Variants in INSR observed in about 807,000 individuals in gnomAD.
INSR encodes insulin receptor.
In INSR, 67 loss-of-function variants were observed where a neutral mutation model predicts 142.6. That is an observed-to-expected ratio of 0.47 (90% CI 0.39 to 0.58). INSR has a LOEUF of 0.58. Ranked by LOEUF, INSR falls within the 20% of genes least tolerant of loss-of-function variation. The probability of loss-of-function intolerance (pLI) is 0.00; values close to 1 mark genes in which losing one functional copy is unlikely to be tolerated. For missense variants in INSR, 1,248 were observed against 1,833.2 expected (o/e 0.68, Z 5.83); for synonymous variants, 756 against 743.1 (o/e 1.02, Z -0.28).
chr19:7,140,008 A>C (rs140622481), intron 13 of INSR, among the ~76,000 whole-genome samples: 2,796 of 152,060 alleles, frequency 0.018, 48 homozygotes, highest in African/African-American at 0.044. Context: ...CTGTATTTTT[A>C]GCAGAGACGG....
At chr19:7,248,466 A>G (rs1600089257) in intron 2 of INSR, among the ~76,000 whole-genome samples, 1 of 131,004 alleles carries the variant, frequency 7.6e-6, no homozygotes, top group South Asian at 3.0e-4. Context: ...AGCCTGGGCG[A>G]CAGAGGGAGA....
At chr19:7,143,914 G>A (rs1329228143) in intron 11 of INSR, among the ~76,000 whole-genome samples, 1 of 152,012 alleles carries the variant, frequency 6.6e-6, no homozygotes, top group East Asian at 1.9e-4. Context: ...AATTAGCCGA[G>A]CCTGATGGTG....
At chr19:7,257,488 T>C (rs1390011527) in intron 2 of INSR, among the ~76,000 whole-genome samples, 1 of 148,642 alleles carries the variant, frequency 6.7e-6, no homozygotes, top group Non-Finnish European at 1.5e-5. Context: ...GGCCTTGCCT[T>C]GTACATATAC....
intron 6 of INSR, 148 bp downstream of exon 6, chr19:7,170,389 A>G: frequency 4.5e-6 from 3 of 663,536 alleles, no homozygotes; most frequent in Admixed American, 4.7e-5. Context: ...ATATATTACA[A>G]TGTAATCATA....
At chr19:7,124,820 A>G (rs987990486) in intron 17 of INSR, among the ~76,000 whole-genome samples, 1 of 150,342 alleles carries the variant, frequency 6.7e-6, no homozygotes, top group Non-Finnish European at 1.5e-5. Context: ...GAAAGGCAGG[A>G]AGAGTTGGTG....
chr19:7,244,532 C>CAAAAAAAAAAA (rs367586146), intron 2 of INSR, among the ~76,000 whole-genome samples: 172 of 145,064 alleles, frequency 1.2e-3, no homozygotes, highest in African/African-American at 3.6e-3. Context: ...GACTCTGTCT[C>CAAAAAAAAAAA]AAAAAGAAAA....
rs1021692313 is a variant in INSR, at chr19:7,141,618, C to T, written c.2682+59G>A. On this transcript the variant is annotated intron_variant, in intron 13 of 21. Transcript: ENST00000302850. ...CAGCAGAGGAAGGAGGTACCAAGTGCAACTCTGAAGGGGCATGCTGAAGTG... is the reference window on the plus strand; with the variant it reads ...CAGCAGAGGAAGGAGGTACCAAGTGTAACTCTGAAGGGGCATGCTGAAGTG... 6 of 1,608,722 alleles carry T rather than the reference C, an allele frequency of 3.7e-6. No homozygotes were observed. The Admixed American group carries it at 8.5e-5, about 23-fold the overall frequency.
chr19:7,199,560 C>T (rs1164316597), intron 2 of INSR, among the ~76,000 whole-genome samples: 5 of 78,684 alleles, frequency 6.4e-5, no homozygotes, highest in African/African-American at 1.6e-4. Flanking sequence ...ACTGCGACAG[C>T]TTTTTTTTTT....
intron 19 of INSR, among the ~76,000 whole-genome samples, chr19:7,121,805 T>C (rs1218167093): frequency 6.6e-6 from 1 of 152,192 alleles, no homozygotes; most frequent in Admixed American, 6.5e-5. Context: ...AGTGAGTTTA[T>C]CAATACATGC....
intron 2 of INSR, among the ~76,000 whole-genome samples, chr19:7,185,903 A>G (rs918340930): frequency 9.6e-5 from 10 of 104,448 alleles, no homozygotes; most frequent in African/African-American, 2.5e-4. Flanking sequence ...GGAAGGAAGG[A>G]AAAAAAAAAG....
chr19:7,237,595 C>T (rs572735193), intron 2 of INSR, among the ~76,000 whole-genome samples: 4 of 151,996 alleles, frequency 2.6e-5, no homozygotes, highest in African/African-American at 9.7e-5. Context: ...GCGGGTGGAT[C>T]ATGAGGTCAG....
chr19:7,263,826 C>T (rs1977139186), intron 2 of INSR, among the ~76,000 whole-genome samples: 1 of 152,032 alleles, frequency 6.6e-6, no homozygotes, highest in South Asian at 2.1e-4. Flanking sequence ...AAATTTGAGA[C>T]CAGCCTGACC....
intron 9 of INSR, among the ~76,000 whole-genome samples, chr19:7,153,349 G>A (rs72996163): frequency 0.013 from 43 of 3,226 alleles, 1 homozygote; most frequent in Middle Eastern, 0.17. Flanking sequence ...ACACACCACA[G>A]ACCACACACC....
At chr19:7,243,596 C>T (rs1454487823) in intron 2 of INSR, among the ~76,000 whole-genome samples, 2 of 152,082 alleles carry the variant, frequency 1.3e-5, no homozygotes, top group Admixed American at 6.6e-5. Flanking sequence ...AAAGTTATGG[C>T]ACCATAAAAT....
chr19:7,211,850 C>T (rs1214299566), intron 2 of INSR, among the ~76,000 whole-genome samples: 1 of 147,984 alleles, frequency 6.8e-6, no homozygotes, highest in Non-Finnish European at 1.5e-5. Flanking sequence ...GAGGGAATAT[C>T]GGTTTGTCTG....
intron 17 of INSR, 95 bp from the exon 18 acceptor site, chr19:7,123,084 C>A: frequency 2.2e-6 from 2 of 919,284 alleles, no homozygotes; most frequent in Non-Finnish European, 3.5e-6. Flanking sequence ...ACACACAGCA[C>A]CCTGTGGCCT....
intron 2 of INSR, among the ~76,000 whole-genome samples, chr19:7,223,458 C>T (rs1975684257): frequency 6.6e-6 from 1 of 152,128 alleles, no homozygotes; most frequent in Admixed American, 6.6e-5. Context: ...TACCTGGGCA[C>T]ACTGTGATGG....
chr19:7,288,632 C>T (rs1204186124), intron 1 of INSR, among the ~76,000 whole-genome samples: 1 of 142,458 alleles, frequency 7.0e-6, no homozygotes, highest in African/African-American at 2.7e-5. Flanking sequence ...GAGCAAAATC[C>T]TGTCTCTAAA....
intron 2 of INSR, among the ~76,000 whole-genome samples, chr19:7,189,808 C>A (rs1974527565): frequency 1.3e-5 from 2 of 151,952 alleles, no homozygotes; most frequent in South Asian, 4.2e-4. Flanking sequence ...GGATTACAGG[C>A]ACCCACAACC....
Sources: gnomAD v4.1 joint callset for allele counts (sites outside exome capture counted in the v4.1 genomes callset) on GRCh38, gnomAD v4.1.1 for gene constraint, MANE v1.5 for transcripts, NCBI Gene and HGNC (gene_info 2026-07-23, HGNC 2026-07-21) for gene names.